The following TESPA1 variants were observed in gnomAD, a reference collection of about 807,000 sequenced individuals.
TESPA1 encodes protein TESPA1.
A neutral mutation model predicts 57.9 loss-of-function variants in TESPA1; 33 were observed. The ratio of observed to expected loss-of-function variants is 0.57; its 90% CI spans 0.43 to 0.76. The LOEUF (loss-of-function observed/expected upper bound fraction) is 0.76, where lower values mean the gene tolerates loss of function less well. Among genes scored for constraint, TESPA1 ranks in the 30% least tolerant of loss-of-function variants. The pLI is 0.00. For synonymous variants in TESPA1, 227 were observed against 228.9 expected (o/e 0.99, Z 0.07); for missense variants, 618 against 632.9 (o/e 0.98, Z 0.25).
chr12:54,952,502 A>T (rs76724641), intron 10 of TESPA1, among the ~76,000 whole-genome samples: 3,139 of 152,346 alleles, frequency 0.021, 51 homozygotes, highest in Non-Finnish European at 0.033. Context: ...GCTATTTTAT[A>T]GTTTTGCAAG....
chr12:54,957,371 A>G (rs913099774), intron 10 of TESPA1, among the ~76,000 whole-genome samples: 7 of 152,236 alleles, frequency 4.6e-5, no homozygotes, highest in African/African-American at 1.7e-4. Flanking sequence ...AAATAATTAC[A>G]GACTCTGAAA....
At chr12:54,975,348 T>C (rs1952089853) in intron 1 of TESPA1, among the ~76,000 whole-genome samples, 1 of 152,210 alleles carries the variant, frequency 6.6e-6, no homozygotes, top group African/African-American at 2.4e-5. Flanking sequence ...AGCTCATCAA[T>C]GCAATTACTA....
chr12:54,981,048 G>T (rs946403732), intron 1 of TESPA1, among the ~76,000 whole-genome samples: 3 of 152,172 alleles, frequency 2.0e-5, no homozygotes, highest in African/African-American at 7.2e-5. Flanking sequence ...GCCTCCCAAA[G>T]TGCTGGGATT....
At chr12:54,951,252 C>T (rs905883998) in intron 10 of TESPA1, among the ~76,000 whole-genome samples, 2 of 152,122 alleles carry the variant, frequency 1.3e-5, no homozygotes, top group African/African-American at 2.4e-5. Context: ...GTAGCTCTTC[C>T]CCCTTCTCTC....
At chr12:54,959,118 G>T (rs571729628) in intron 10 of TESPA1, among the ~76,000 whole-genome samples, 1 of 151,960 alleles carries the variant, frequency 6.6e-6, no homozygotes, top group African/African-American at 2.4e-5. Context: ...TAATGTGGTG[G>T]TAAGGTTTAG....
chr12:54,968,489 G>T (rs1262109614), intron 3 of TESPA1, among the ~76,000 whole-genome samples: 2 of 152,156 alleles, frequency 1.3e-5, no homozygotes, highest in African/African-American at 4.8e-5. Flanking sequence ...CACAAATGGT[G>T]GTGAGAGACA....
intron 6 of TESPA1, 27 bp from the exon 7 acceptor site, chr12:54,966,178 C>T: frequency 1.9e-6 from 3 of 1,563,680 alleles, no homozygotes; most frequent in Non-Finnish European, 2.6e-6. Flanking sequence ...TGATGTCATA[C>T]AAATCTTGTT....
At position 54,963,565 on chromosome 12, in the gene TESPA1, A is replaced by T. The variant is rs562065047; in HGVS notation, c.655+177T>A. ...AAGTCTCTTAAAGGCTATTTCTTTA[A>T]GAGAAAGAATCAGACAGAGTTCTCC... On this transcript the variant is annotated intron_variant, in intron 8 of 10. Transcript: ENST00000449076. Among the ~76,000 whole-genome samples, 23 of 152,350 alleles carry T rather than the reference A, an allele frequency of 1.5e-4. No homozygotes were observed. In the South Asian group the frequency reaches 4.8e-3, roughly 32 times the overall value.
At chr12:54,957,508 TG>T (rs1439380998) in intron 10 of TESPA1, among the ~76,000 whole-genome samples, 4 of 152,214 alleles carry the variant, frequency 2.6e-5, no homozygotes, top group African/African-American at 9.6e-5. Context: ...TTGGCAGTAC[TG>T]AGCTGTTGCT....
intron 1 of TESPA1, among the ~76,000 whole-genome samples, chr12:54,981,002 C>G (rs1952295653): frequency 6.6e-6 from 1 of 152,102 alleles, no homozygotes; most frequent in Non-Finnish European, 1.5e-5. Flanking sequence ...TCAGGCTGGT[C>G]TTGAACACCT....
intron 1 of TESPA1, among the ~76,000 whole-genome samples, chr12:54,983,037 G>A (rs1214586516): frequency 1.3e-5 from 2 of 152,162 alleles, no homozygotes; most frequent in African/African-American, 4.8e-5. Context: ...TCAGTTTGCA[G>A]GTGGAAATAA....
At chr12:54,959,818 C>G (rs919629098) in intron 10 of TESPA1, among the ~76,000 whole-genome samples, 1 of 152,090 alleles carries the variant, frequency 6.6e-6, no homozygotes, top group Admixed American at 6.6e-5. Context: ...ACATGCCAGA[C>G]CAGCAACTGA....
intron 1 of TESPA1, among the ~76,000 whole-genome samples, chr12:54,981,062 G>C (rs1952297596): frequency 6.6e-6 from 1 of 152,128 alleles, no homozygotes. Flanking sequence ...TGGGATTATA[G>C]GTGTGAGCCA....
At chr12:54,980,310 T>A (rs867276392) in intron 1 of TESPA1, among the ~76,000 whole-genome samples, 15 of 152,240 alleles carry the variant, frequency 9.9e-5, no homozygotes, top group Admixed American at 9.8e-4. Context: ...TTAGAATAAT[T>A]TCCTTTCTGA....
intron 1 of TESPA1, among the ~76,000 whole-genome samples, chr12:54,976,910 C>T (rs1952159372): frequency 6.6e-6 from 1 of 151,746 alleles, no homozygotes; most frequent in African/African-American, 2.4e-5. Flanking sequence ...TTTTTTTAAC[C>T]TCGGTTTTCT....
At chr12:54,969,174 G>T (rs772571601) in intron 3 of TESPA1, among the ~76,000 whole-genome samples, 1 of 150,700 alleles carries the variant, frequency 6.6e-6, no homozygotes, top group Non-Finnish European at 1.5e-5. Context: ...TACATCAAAG[G>T]TTCATTATAA....
chr12:54,951,775 C>G (rs1044989453), intron 10 of TESPA1, among the ~76,000 whole-genome samples: 1 of 100,328 alleles, frequency 1.0e-5, no homozygotes, highest in Non-Finnish European at 1.7e-5. Flanking sequence ...TATTTGCAAC[C>G]TTTTTCTAAT....
intron 3 of TESPA1, among the ~76,000 whole-genome samples, chr12:54,971,274 C>T (rs574773387): frequency 5.2e-4 from 79 of 152,348 alleles, no homozygotes; most frequent in African/African-American, 1.9e-3. Flanking sequence ...AATGCGGGCT[C>T]CTTGTTTATC....
chr12:54,973,594 C>T, intron 2 of TESPA1, 75 bp from the exon 3 acceptor site: 1 of 1,610,994 alleles, frequency 6.2e-7, no homozygotes, highest in Non-Finnish European at 8.5e-7. Flanking sequence ...AATTCCATTC[C>T]ACAAGTTTAT....
Sources: gnomAD v4.1 joint callset for allele counts (sites outside exome capture counted in the v4.1 genomes callset) on GRCh38, gnomAD v4.1.1 for gene constraint, MANE v1.5 for transcripts, NCBI Gene and HGNC (gene_info 2026-07-23, HGNC 2026-07-21) for gene names.